Variants in ATAD2B observed in about 807,000 individuals in gnomAD.
ATAD2B encodes ATPase family AAA domain-containing protein 2B.
ATAD2B carries 40 observed loss-of-function variants against 167.6 expected under a neutral mutation model. The observed-to-expected ratio is 0.24, with a 90% CI of 0.19 to 0.31. The LOEUF (loss-of-function observed/expected upper bound fraction) is 0.31. Among genes scored for constraint, ATAD2B ranks in the 10% least tolerant of loss-of-function variants. ATAD2B has a pLI of 1.00. For synonymous variants in ATAD2B, 579 were observed against 596.5 expected (o/e 0.97, Z 0.43); for missense variants, 1,242 against 1,757.2 (o/e 0.71, Z 5.24).
intron 13 of ATAD2B, among the ~76,000 whole-genome samples, chr2:23,847,135 G>C (rs1169868128): frequency 7.6e-6 from 1 of 130,984 alleles, no homozygotes; most frequent in African/African-American, 2.9e-5. Flanking sequence ...ACACAGGAGG[G>C]TGAGGCGGGC....
At chr2:23,849,031 G>C (rs1372135739) in intron 13 of ATAD2B, among the ~76,000 whole-genome samples, 1 of 151,736 alleles carries the variant, frequency 6.6e-6, no homozygotes, top group African/African-American at 2.4e-5. Flanking sequence ...AACTTTCAAA[G>C]TTTCAAAGTG....
At chr2:23,919,368 G>A (rs1243128656) in intron 1 of ATAD2B, among the ~76,000 whole-genome samples, 2 of 151,842 alleles carry the variant, frequency 1.3e-5, no homozygotes, top group Non-Finnish European at 1.5e-5. Context: ...GCAATGTGGC[G>A]AAACCCCATC....
At chr2:23,868,229 C>T (rs150221884) in intron 9 of ATAD2B, among the ~76,000 whole-genome samples, 431 of 152,204 alleles carry the variant, frequency 2.8e-3, no homozygotes, top group Admixed American at 4.8e-3. Context: ...ACCTGATTAT[C>T]CCATGTTATA....
intron 15 of ATAD2B, 95 bp from the exon 16 acceptor site, chr2:23,823,664 A>C: frequency 9.1e-7 from 1 of 1,100,194 alleles, no homozygotes; most frequent in Non-Finnish European, 1.3e-6. Context: ...CTAAAGTCAT[A>C]ATCAATACTA....
Position 23,823,245 on chromosome 2 carries a change from T to C in ATAD2B, c.2131+13A>G. 1.9e-6 allele frequency: 3 copies of C among 1,578,966 alleles called. No individual in the cohort carries two copies. Among genetic ancestry groups the C allele is most frequent in the South Asian group, 1.1e-5 (1 of 87,906 alleles). ...GTTTCATCTTAACAATATAAAAAAG[T>C]AGTTTAGAGTACCTTCTTTTTTGTC... On this transcript the variant is annotated intron_variant, in intron 16 of 27. Coordinates refer to ENST00000238789, the MANE Select transcript of ATAD2B (RefSeq NM_017552.4).
the ATAD2B span, among the ~76,000 whole-genome samples, chr2:23,736,227 A>ACC: frequency 2.3e-4 from 34 of 148,468 alleles, no homozygotes; most frequent in Non-Finnish European, 4.8e-4. Flanking sequence ...CCATAAAGGA[A>ACC]CCCCCCCCAT....
chr2:23,915,415 T>C (rs533776687), intron 1 of ATAD2B, among the ~76,000 whole-genome samples: 3 of 150,640 alleles, frequency 2.0e-5, no homozygotes, highest in Admixed American at 2.0e-4. Flanking sequence ...CACTGTTCTC[T>C]GTAACCCAGG....
intron 15 of ATAD2B, among the ~76,000 whole-genome samples, chr2:23,824,208 C>T (rs1447505763): frequency 2.0e-5 from 3 of 152,152 alleles, no homozygotes; most frequent in Non-Finnish European, 2.9e-5. Context: ...GTGATCCACC[C>T]GCCTCAGCAC....
At chr2:23,752,783 T>A (rs1486394661) in intron 27 of ATAD2B, among the ~76,000 whole-genome samples, 4 of 152,076 alleles carry the variant, frequency 2.6e-5, no homozygotes, top group Non-Finnish European at 4.4e-5. Context: ...CCACTTCTAT[T>A]CACTCCAACC....
At chr2:23,898,635 T>C (rs919874760) in intron 1 of ATAD2B, among the ~76,000 whole-genome samples, 1 of 152,238 alleles carries the variant, frequency 6.6e-6, no homozygotes, top group Non-Finnish European at 1.5e-5. Flanking sequence ...AGAATAAATC[T>C]CTTTAAATAT....
chr2:23,719,013 C>T, the ATAD2B span, among the ~76,000 whole-genome samples: 1 of 152,190 alleles, frequency 6.6e-6, no homozygotes, highest in Admixed American at 6.5e-5. Flanking sequence ...CCCTTTACCA[C>T]ATAAAACAAC....
intron 13 of ATAD2B, among the ~76,000 whole-genome samples, chr2:23,838,229 T>C (rs898375194): frequency 2.0e-5 from 3 of 152,164 alleles, no homozygotes; most frequent in Admixed American, 6.5e-5. Context: ...ATTCAAGATA[T>C]AAAGGGGGTG....
At chr2:23,901,358 C>CTT (rs796980137) in intron 1 of ATAD2B, among the ~76,000 whole-genome samples, 6 of 141,538 alleles carry the variant, frequency 4.2e-5, no homozygotes, top group African/African-American at 1.0e-4. Context: ...TCTCAGGACC[C>CTT]TTTTTTTTTT....
the ATAD2B span, among the ~76,000 whole-genome samples, chr2:23,684,004 A>G: frequency 3.3e-5 from 5 of 152,092 alleles, no homozygotes; most frequent in Non-Finnish European, 5.9e-5. This position sits in a 1 kb window ranked among gnomAD's most constrained non-coding sequence, Gnocchi z 4.4. Context: ...TCTCCAATAC[A>G]TCGGCACCCA....
At chr2:23,898,266 A>G (rs1426581942) in intron 1 of ATAD2B, among the ~76,000 whole-genome samples, 1 of 152,222 alleles carries the variant, frequency 6.6e-6, no homozygotes, top group Non-Finnish European at 1.5e-5. Context: ...AGGTCTGAAC[A>G]AAAAATATTT....
chr2:23,873,550 C>G (rs1696330913), intron 8 of ATAD2B, among the ~76,000 whole-genome samples: 1 of 152,160 alleles, frequency 6.6e-6, no homozygotes, highest in South Asian at 2.1e-4. Flanking sequence ...CTCCTGTATA[C>G]TTTAAATCAT....
chr2:23,868,612 G>T (rs924391841), intron 9 of ATAD2B, among the ~76,000 whole-genome samples: 1 of 151,830 alleles, frequency 6.6e-6, no homozygotes, highest in Admixed American at 6.6e-5. Flanking sequence ...ACTATTACAC[G>T]AATATGTCTA....
chr2:23,774,079 T>C (rs1268577484), intron 22 of ATAD2B, among the ~76,000 whole-genome samples: 1 of 152,228 alleles, frequency 6.6e-6, no homozygotes, highest in Admixed American at 6.5e-5. Flanking sequence ...GAGATTTTGT[T>C]CAACAAAATT....
At chr2:23,756,743 T>C (rs540087472) in intron 25 of ATAD2B, among the ~76,000 whole-genome samples, 4 of 152,272 alleles carry the variant, frequency 2.6e-5, no homozygotes, top group South Asian at 4.1e-4. Flanking sequence ...ATTGGACTTA[T>C]AAAGCAATGA....
Sources: gnomAD v4.1 joint callset for allele counts (sites outside exome capture counted in the v4.1 genomes callset) on GRCh38, gnomAD v4.1.1 for gene constraint, Gnocchi (gnomAD v3.1) non-coding constraint, MANE v1.5 for transcripts, NCBI Gene and HGNC (gene_info 2026-07-23, HGNC 2026-07-21) for gene names.